Variants in LARGE1 observed in about 807,000 individuals in gnomAD.
LARGE1 encodes the protein LARGE xylosyl- and glucuronyltransferase 1, also known as xylosyl- and glucuronyltransferase LARGE1.
In LARGE1, 43 loss-of-function variants were observed where a neutral mutation model predicts 87.6. That is an observed-to-expected ratio of 0.49 (90% confidence interval 0.38 to 0.63). LARGE1 has a LOEUF of 0.63. Ranked by LOEUF, LARGE1 falls within the 30% of genes least tolerant of loss-of-function variation. LARGE1 has a pLI of 0.00. For synonymous variants in LARGE1, 434 were observed against 394.6 expected, an observed-to-expected ratio of 1.10 and a Z score of -1.18; for missense variants, 802 against 1,000.2, an observed-to-expected ratio of 0.80 and a Z score of 2.67.
chr22:33,134,229 C>T, the LARGE1 span, among the ~76,000 whole-genome samples: 20 of 149,944 alleles, frequency 1.3e-4, no homozygotes, highest in African/African-American at 3.4e-4. Context: ...CTACCCATGT[C>T]ATAGTCTGCA....
At chr22:33,388,568 A>C (rs939613949) in intron 7 of LARGE1, among the ~76,000 whole-genome samples, 1 of 151,114 alleles carries the variant, frequency 6.6e-6, no homozygotes, top group African/African-American at 2.4e-5. Context: ...GGGCTTTTTA[A>C]ATTTTTTTAT....
chr22:33,796,432 C>T (rs2085986196), intron 1 of LARGE1, among the ~76,000 whole-genome samples: 1 of 152,106 alleles, frequency 6.6e-6, no homozygotes, highest in South Asian at 2.1e-4. Flanking sequence ...CAGGCAAAGC[C>T]ACTAGCGAAA....
intron 2 of LARGE1, among the ~76,000 whole-genome samples, chr22:33,660,576 G>C (rs2081094710): frequency 6.6e-6 from 1 of 152,192 alleles, no homozygotes. Context: ...CAGCGTTAGT[G>C]ACGGTCTCCA....
intron 10 of LARGE1, among the ~76,000 whole-genome samples, chr22:33,317,529 T>A (rs1202330380): frequency 2.6e-5 from 4 of 152,250 alleles, no homozygotes; most frequent in African/African-American, 9.6e-5. Context: ...TTCATTAATC[T>A]GCTTGTAGAA....
At chr22:33,817,735 C>T (rs1012168467) in intron 1 of LARGE1, among the ~76,000 whole-genome samples, 1 of 152,160 alleles carries the variant, frequency 6.6e-6, no homozygotes, top group Non-Finnish European at 1.5e-5. Flanking sequence ...CAGACAGGCT[C>T]TCACCGATAT....
At chr22:33,621,692 A>C (rs962237976) in intron 4 of LARGE1, among the ~76,000 whole-genome samples, 3 of 151,704 alleles carry the variant, frequency 2.0e-5, no homozygotes, top group Non-Finnish European at 3.0e-5. Context: ...TTCTGAGCCG[A>C]AAGTCTTTCA....
the LARGE1 span, among the ~76,000 whole-genome samples, chr22:33,137,520 C>T: frequency 3.3e-5 from 5 of 152,314 alleles, no homozygotes; most frequent in Middle Eastern, 0.01. Context: ...GAAATTCAAG[C>T]TGGCTGCAGA....
At chr22:33,680,295 A>G (rs2081719626) in intron 2 of LARGE1, among the ~76,000 whole-genome samples, 1 of 152,218 alleles carries the variant, frequency 6.6e-6, no homozygotes, top group Non-Finnish European at 1.5e-5. Context: ...TCCATGATCT[A>G]CGCCTGAACT....
At chr22:33,525,742 A>G (rs538494781) in intron 6 of LARGE1, among the ~76,000 whole-genome samples, 1 of 152,314 alleles carries the variant, frequency 6.6e-6, no homozygotes, top group South Asian at 2.1e-4. Context: ...CTCCAAATTC[A>G]TCACCTGTGT....
chr22:33,741,165 G>A (rs977928199), intron 2 of LARGE1, among the ~76,000 whole-genome samples: 1 of 152,230 alleles, frequency 6.6e-6, no homozygotes, highest in Non-Finnish European at 1.5e-5. Flanking sequence ...AAGGCCACAC[G>A]TGTGGAATAA....
chr22:33,553,932 G>C (rs1169451195), intron 6 of LARGE1, among the ~76,000 whole-genome samples: 2 of 152,158 alleles, frequency 1.3e-5, no homozygotes, highest in Non-Finnish European at 2.9e-5. Flanking sequence ...ACCCACAACT[G>C]ATAGAGAGGT....
intron 7 of LARGE1, among the ~76,000 whole-genome samples, chr22:33,396,457 GAGTGAC>G (rs1215131749): frequency 1.4e-5 from 2 of 140,358 alleles, no homozygotes; most frequent in Non-Finnish European, 3.0e-5. Context: ...GAGACAGAGA[GAGTGAC>G]AGAGAGAGAG....
intron 1 of LARGE1, among the ~76,000 whole-genome samples, chr22:33,831,749 TACACACACACACAC>T (rs5845118): frequency 2.7e-5 from 4 of 146,862 alleles, no homozygotes; most frequent in South Asian, 2.2e-4. Context: ...CACATGCATG[TACACACACACACAC>T]ACACACACAC....
At chr22:33,801,579 T>G (rs1360235340) in intron 1 of LARGE1, among the ~76,000 whole-genome samples, 1 of 152,186 alleles carries the variant, frequency 6.6e-6, no homozygotes, top group Non-Finnish European at 1.5e-5. Context: ...CTGGAGAGAT[T>G]TTTATATATT....
chr22:33,383,806 G>A (rs1369656729), intron 8 of LARGE1, among the ~76,000 whole-genome samples: 2 of 152,120 alleles, frequency 1.3e-5, no homozygotes, highest in Non-Finnish European at 2.9e-5. Context: ...GCATTCTGGG[G>A]TCCCAGAGAG....
At chr22:33,329,472 G>A (rs1020109356) in intron 10 of LARGE1, among the ~76,000 whole-genome samples, 8 of 151,962 alleles carry the variant, frequency 5.3e-5, no homozygotes, top group Admixed American at 3.9e-4. Context: ...TTGGAAAGAA[G>A]GAACAAGGAG....
intron 7 of LARGE1, among the ~76,000 whole-genome samples, chr22:33,411,913 T>C (rs1442387547): frequency 1.3e-5 from 2 of 152,178 alleles, no homozygotes; most frequent in South Asian, 4.1e-4. Flanking sequence ...TACAGAGAAA[T>C]AGATAATTAC....
At chr22:33,609,916 T>C (rs149131909) in intron 4 of LARGE1, among the ~76,000 whole-genome samples, 2,394 of 152,162 alleles carry the variant, frequency 0.016, 59 homozygotes, top group African/African-American at 0.055. Context: ...AGTTTCTCTT[T>C]TTTTAAACAC....
At chr22:33,224,995 C>T (rs868547419) in intron 11 of LARGE1, among the ~76,000 whole-genome samples, 3 of 152,340 alleles carry the variant, frequency 2.0e-5, no homozygotes, top group East Asian at 1.9e-4. Flanking sequence ...CCTGCCAGGT[C>T]GCTGACTGGA....
Sources: allele counts gnomAD v4.1 joint callset (sites outside exome capture counted in the v4.1 genomes callset), GRCh38; gene constraint gnomAD v4.1.1; transcripts MANE v1.5; gene names NCBI Gene and HGNC (gene_info 2026-07-23, HGNC 2026-07-21).